DIP2C: variants seen among roughly 807,000 people sequenced by gnomAD.
The protein encoded by DIP2C is disco-interacting protein 2 homolog C.
Under a neutral mutation model 192.4 loss-of-function variants are expected in DIP2C, and 33 were observed. That is an observed-to-expected ratio of 0.17 (90% CI 0.13 to 0.23). The LOEUF (loss-of-function observed/expected upper bound fraction) is 0.23. Ranked by LOEUF, DIP2C falls within the 10% of genes least tolerant of loss-of-function variation. The probability of loss-of-function intolerance (pLI) is 1.00; values close to 1 mark genes in which losing one functional copy is unlikely to be tolerated. For synonymous variants in DIP2C, 979 were observed against 864.1 expected (o/e 1.13, Z -2.33); for missense variants, 1,537 against 2,110.1 (o/e 0.73, Z 5.32).
In DIP2C at chr10:281,256, G is replaced by A; in HGVS notation, c.4362C>T (p.Tyr1454=). The change falls in exon 36 of 37, where the codon TAC becomes TAT. Residue 1454 remains tyrosine (Y), a synonymous_variant. Transcript: ENST00000280886. ...DEAMELRGMR[Y]HPIDIETSVI... ...CCGAGGTCTCAATGTCGATTGGGTGGTACCGCATGCCCCGCAGCTCCATGG... is the reference window on the plus strand; with the variant it reads ...CCGAGGTCTCAATGTCGATTGGGTGATACCGCATGCCCCGCAGCTCCATGG... 1 of 1,614,192 alleles carries A rather than the reference G, an allele frequency of 6.2e-7. No individual in the cohort carries two copies. Among genetic ancestry groups the A allele is most frequent in the African/African-American group, 1.3e-5 (1 of 75,052 alleles).
chr10:428,569 A>G (rs891615846), intron 4 of DIP2C, among the ~76,000 whole-genome samples: 9 of 152,012 alleles, frequency 5.9e-5, no homozygotes, highest in African/African-American at 2.2e-4. Context: ...GAGTCCTTTC[A>G]GGATCTCCTC....
chr10:529,020 C>CT (rs1847224003), intron 1 of DIP2C, among the ~76,000 whole-genome samples: 1 of 152,218 alleles, frequency 6.6e-6, no homozygotes, highest in Non-Finnish European at 1.5e-5. Flanking sequence ...GCCAGAACCC[C>CT]TCCCAGTGAC....
In DIP2C at chr10:363,103, G is replaced by T; in HGVS notation, c.2592+94C>A. 1.7e-6 allele frequency: 2 copies of T among 1,151,246 alleles called. No homozygotes were observed. The highest frequency in any genetic ancestry group is 1.2e-6 in the Non-Finnish European group (1 of 806,928). The allele number at this position is 1,151,246 out of a possible 1,614,324, so 71.3% of individuals were successfully genotyped here. A position where few individuals can be genotyped will look rare whatever the true frequency, so the allele number is the denominator to read the frequency against. On this transcript the variant is annotated intron_variant, in intron 21 of 36. Transcript: ENST00000280886. This position sits in a 1 kb window ranked among gnomAD's most constrained non-coding sequence, Gnocchi z 5.4. ...GAAGGGAAAAAGGGCCACCCCATGGGCAAAGCAACAGCTGGTCACACCATG... is the reference window on the plus strand; with the variant it reads ...GAAGGGAAAAAGGGCCACCCCATGGTCAAAGCAACAGCTGGTCACACCATG...
intron 24 of DIP2C, among the ~76,000 whole-genome samples, chr10:352,572 C>T (rs901211293): frequency 2.0e-5 from 3 of 152,188 alleles, no homozygotes; most frequent in Admixed American, 6.5e-5. Context: ...ATTTCACAGC[C>T]GGTCGGACAT....
intron 1 of DIP2C, among the ~76,000 whole-genome samples, chr10:567,238 G>A (rs2131501311): frequency 6.6e-6 from 1 of 152,238 alleles, no homozygotes; most frequent in East Asian, 1.9e-4. Flanking sequence ...GCCCAGACCA[G>A]AGTGCAGTGG....
At chr10:628,371 T>A (rs773696837) in intron 1 of DIP2C, among the ~76,000 whole-genome samples, 7 of 152,236 alleles carry the variant, frequency 4.6e-5, no homozygotes, top group Non-Finnish European at 1.0e-4. Flanking sequence ...ACATATCCAA[T>A]TACTTAAAAA....
intron 1 of DIP2C, among the ~76,000 whole-genome samples, chr10:524,802 A>G (rs1342211120): frequency 6.6e-6 from 1 of 152,124 alleles, no homozygotes; most frequent in East Asian, 1.9e-4. Context: ...TCATTTTTAA[A>G]TACCATCACT....
intron 1 of DIP2C, among the ~76,000 whole-genome samples, chr10:530,224 A>G (rs1474104191): frequency 1.3e-5 from 2 of 152,212 alleles, no homozygotes; most frequent in African/African-American, 4.8e-5. Context: ...AGCAACTAAC[A>G]CATTTCCCAG....
chr10:495,940 G>A lies in DIP2C; in HGVS notation c.86-9410C>T, dbSNP rs143543836. ...TGAGTGCTGAGTACACAGAACCCAC[G>A]GTGCCTTCCCGTGTACTTAAAATCT... On this transcript the variant is annotated intron_variant, in intron 1 of 36. Coordinates refer to ENST00000280886, the MANE Select transcript of DIP2C (RefSeq NM_014974.3). Among the ~76,000 whole-genome samples, 35 of 147,742 alleles carry A rather than the reference G, an allele frequency of 2.4e-4. 1 individual carries two copies. In the East Asian group the frequency reaches 6.4e-3, roughly 27 times the overall value.
intron 1 of DIP2C, among the ~76,000 whole-genome samples, chr10:653,422 G>A (rs1489635871): frequency 3.3e-5 from 5 of 152,216 alleles, no homozygotes; most frequent in South Asian, 4.2e-4. Flanking sequence ...CACTCCAGCC[G>A]GGGTGACAGA....
At chr10:589,424 G>A (rs963765293) in intron 1 of DIP2C, among the ~76,000 whole-genome samples, 31 of 152,118 alleles carry the variant, frequency 2.0e-4, no homozygotes, top group African/African-American at 7.0e-4. Context: ...CCAAGGTCTC[G>A]ACGATTTCCA....
At chr10:639,691 T>C (rs1855055843) in intron 1 of DIP2C, among the ~76,000 whole-genome samples, 1 of 152,210 alleles carries the variant, frequency 6.6e-6, no homozygotes, top group Non-Finnish European at 1.5e-5. Flanking sequence ...CACTGAATAG[T>C]TTAGAGCAGT....
At chr10:470,819 C>A (rs1425723041) in intron 3 of DIP2C, among the ~76,000 whole-genome samples, 1 of 152,228 alleles carries the variant, frequency 6.6e-6, no homozygotes, top group Non-Finnish European at 1.5e-5. Flanking sequence ...CCTCCCTGAA[C>A]TTCAGTTTCC....
intron 1 of DIP2C, among the ~76,000 whole-genome samples, chr10:528,009 C>A (rs1173381663): frequency 6.6e-6 from 1 of 152,194 alleles, no homozygotes; most frequent in Non-Finnish European, 1.5e-5. Flanking sequence ...ATGGCAATCA[C>A]CCAGCCCCAA....
intron 1 of DIP2C, among the ~76,000 whole-genome samples, chr10:600,137 A>AG (rs376465706): frequency 3.9e-5 from 6 of 152,218 alleles, no homozygotes; most frequent in African/African-American, 1.4e-4. Context: ...CTGTAGTACA[A>AG]GGCACAGAAC....
chr10:387,348 G>A (rs960443058), intron 14 of DIP2C, among the ~76,000 whole-genome samples: 6 of 152,216 alleles, frequency 3.9e-5, no homozygotes, highest in African/African-American at 1.4e-4. Flanking sequence ...TAACAGTGAC[G>A]ATTTTCTGCT....
chr10:419,268 A>G (rs977329633), intron 5 of DIP2C, 69 bp from the exon 6 acceptor site: 5 of 1,604,460 alleles, frequency 3.1e-6, no homozygotes, highest in Non-Finnish European at 4.3e-6. Flanking sequence ...AACAAGCCAC[A>G]GCCCAGGAAG....
chr10:557,906 A>AGGAGGC (rs1848993954), intron 1 of DIP2C, among the ~76,000 whole-genome samples: 1 of 21,986 alleles, frequency 4.5e-5, no homozygotes, highest in African/African-American at 1.7e-4. Flanking sequence ...GCAGGCGGGG[A>AGGAGGC]AGGGGGCGGG....
At chr10:597,845 T>TGA (rs2131677360) in intron 1 of DIP2C, among the ~76,000 whole-genome samples, 1 of 152,310 alleles carries the variant, frequency 6.6e-6, no homozygotes, top group Admixed American at 6.5e-5. Context: ...CTAGGGGTCC[T>TGA]GAGTCCTTTC....
Sources: gnomAD v4.1 joint callset for allele counts (sites outside exome capture counted in the v4.1 genomes callset) on GRCh38, gnomAD v4.1.1 for gene constraint, Gnocchi (gnomAD v3.1) non-coding constraint, MANE v1.5 for transcripts, NCBI Gene and HGNC (gene_info 2026-07-23, HGNC 2026-07-21) for gene names.